The following ABCC1 variants were observed in gnomAD, a reference collection of about 807,000 sequenced individuals.
ABCC1 encodes the protein multidrug resistance-associated protein 1.
A neutral mutation model predicts 172.9 loss-of-function variants in ABCC1; 83 were observed. The observed-to-expected ratio is 0.48, with a 90% CI of 0.40 to 0.58. ABCC1 has a LOEUF of 0.58. Among genes scored for constraint, ABCC1 ranks in the 20% least tolerant of loss-of-function variants. ABCC1 has a pLI of 0.00. For missense variants in ABCC1, 1,817 were observed against 2,002.7 expected (o/e 0.91, Z 1.77); for synonymous variants, 937 against 825.2 (o/e 1.14, Z -2.32).
chr16:16,039,217 G>GTGTGTGTGTGTGTGTGTA (rs1287649914), intron 7 of ABCC1, among the ~76,000 whole-genome samples: 1 of 136,970 alleles, frequency 7.3e-6, no homozygotes, highest in Non-Finnish European at 1.5e-5. Flanking sequence ...TTTTGTGTGT[G>GTGTGTGTGTGTGTGTGTA]TGTGTGTGTG....
chr16:15,988,979 G>A (rs1367106643), intron 1 of ABCC1, among the ~76,000 whole-genome samples: 1 of 149,450 alleles, frequency 6.7e-6, no homozygotes, highest in Non-Finnish European at 1.5e-5. Flanking sequence ...TGAGGTGGGA[G>A]GATCACTTGA....
intron 6 of ABCC1, among the ~76,000 whole-genome samples, chr16:16,033,494 T>C (rs2048629454): frequency 2.0e-5 from 3 of 152,196 alleles, no homozygotes; most frequent in Admixed American, 1.3e-4. Flanking sequence ...ATAGTTATTA[T>C]TGACATTGTC....
At chr16:16,130,111 C>T (rs1185115241) in intron 26 of ABCC1, among the ~76,000 whole-genome samples, 2 of 152,240 alleles carry the variant, frequency 1.3e-5, no homozygotes, top group African/African-American at 2.4e-5. Context: ...GGGCAAGTTA[C>T]CGCCCCTCTC....
At chr16:16,115,198 G>A (rs2044804498) in intron 23 of ABCC1, 122 bp downstream of exon 23, 7 of 1,130,268 alleles carry the variant, frequency 6.2e-6, no homozygotes, top group Admixed American at 3.0e-5. Flanking sequence ...ATGTAGATTT[G>A]TTTTTGTCAG....
At chr16:16,028,450 C>T (rs1108573) in intron 5 of ABCC1, among the ~76,000 whole-genome samples, 60,453 of 151,944 alleles carry the variant, frequency 0.4, 13,827 homozygotes, top group Non-Finnish European at 0.52. Flanking sequence ...GACAGCCGTG[C>T]CCCACCCCTT....
intron 1 of ABCC1, among the ~76,000 whole-genome samples, chr16:15,986,949 G>C (rs995500232): frequency 6.6e-6 from 1 of 152,192 alleles, no homozygotes; most frequent in South Asian, 2.1e-4. Flanking sequence ...TGGATCACTT[G>C]AGCTCAGGAG....
intron 1 of ABCC1, among the ~76,000 whole-genome samples, chr16:15,995,084 C>G (rs973609601): frequency 6.6e-6 from 1 of 151,554 alleles, no homozygotes; most frequent in Non-Finnish European, 1.5e-5. Flanking sequence ...TGAGCCGAGA[C>G]CACACCATTG....
chr16:15,976,059 A>G (rs1445596849), intron 1 of ABCC1, among the ~76,000 whole-genome samples: 1 of 151,852 alleles, frequency 6.6e-6, no homozygotes, highest in African/African-American at 2.4e-5. Flanking sequence ...TGAGATCAGG[A>G]GTTCGAGACC....
Position 16,086,963 on chromosome 16 carries a change from T to C in ABCC1, c.2432T>C (p.Ile811Thr). 1.9e-6 allele frequency: 3 copies of C among 1,614,196 alleles called. No individual in the cohort carries two copies. Among genetic ancestry groups the C allele is most frequent in the Non-Finnish European group, 2.5e-6 (3 of 1,180,038 alleles). ...HVGKHIFENV[I>T]GPKGMLKNKT... ...GGAAAACACATCTTTGAAAATGTGATTGGCCCCAAGGGGATGCTGAAGAAC... is the reference window on the plus strand; with the variant it reads ...GGAAAACACATCTTTGAAAATGTGACTGGCCCCAAGGGGATGCTGAAGAAC... The change falls in exon 18 of 31, where the codon ATT (isoleucine) becomes ACT (threonine). Residue 811 changes from isoleucine to threonine, a missense_variant. Physicochemically the swap from Ile to Thr is moderately conservative, Grantham distance 89. This residue lies in a region of ABCC1 where 1,412 missense variants were observed against 1,600.3 expected (regional missense o/e 0.88). Coordinates refer to ENST00000399410, the MANE Select transcript of ABCC1 (RefSeq NM_004996.4).
chr16:15,986,758 G>T (rs2046753960), intron 1 of ABCC1, among the ~76,000 whole-genome samples: 1 of 152,174 alleles, frequency 6.6e-6, no homozygotes, highest in Admixed American at 6.6e-5. Context: ...CTGGGGACGG[G>T]GATGTAGGCA....
At chr16:16,070,494 C>T (rs527355766) in intron 13 of ABCC1, among the ~76,000 whole-genome samples, 2 of 152,098 alleles carry the variant, frequency 1.3e-5, no homozygotes, top group African/African-American at 4.8e-5. Context: ...GAAACCCTGT[C>T]TCTGCTAAAA....
rs1047731508 is a variant in ABCC1, at chr16:16,048,214, G to A, written c.1291G>A (p.Ala431Thr). 1 of 1,614,030 alleles carries A rather than the reference G, an allele frequency of 6.2e-7. No individual in the cohort carries two copies. Among genetic ancestry groups the A allele is most frequent in the African/African-American group, 1.3e-5 (1 of 74,924 alleles). ...GEIVNLMSVD[A>T]QRFMDLATYI... Reference sequence around the variant, plus strand: ...GATTGTCAACCTCATGTCTGTGGACGCTCAGAGGTTCATGGACTTGGCCAC... The same window carrying A: ...GATTGTCAACCTCATGTCTGTGGACACTCAGAGGTTCATGGACTTGGCCAC... Residue 431 changes from alanine (A) to threonine (T), a missense_variant, in exon 10 of 31, where the codon GCT (alanine) becomes ACT (threonine). By Grantham distance (58) the Ala-to-Thr change is moderately conservative. Coordinates refer to ENST00000399410, the MANE Select transcript of ABCC1 (RefSeq NM_004996.4).
chr16:16,033,704 G>C (rs1051734286), intron 6 of ABCC1, among the ~76,000 whole-genome samples: 1 of 151,846 alleles, frequency 6.6e-6, no homozygotes, highest in Non-Finnish European at 1.5e-5. Context: ...CTCACTACAA[G>C]TCTCCGCCTC....
intron 1 of ABCC1, among the ~76,000 whole-genome samples, chr16:15,973,423 A>G (rs1034964700): frequency 7.9e-5 from 12 of 152,190 alleles, no homozygotes; most frequent in African/African-American, 2.6e-4. Context: ...ATATCCTACA[A>G]TACAGGATGG....
chr16:16,071,205 C>T (rs2050334263), intron 13 of ABCC1, among the ~76,000 whole-genome samples: 1 of 152,040 alleles, frequency 6.6e-6, no homozygotes, highest in African/African-American at 2.4e-5. Context: ...CTGCCTCAGC[C>T]TCCCGAGTAG....
intron 5 of ABCC1, among the ~76,000 whole-genome samples, chr16:16,023,402 C>T (rs901840822): frequency 6.6e-5 from 10 of 152,210 alleles, no homozygotes; most frequent in Middle Eastern, 3.4e-3. Flanking sequence ...ACTTTAAACC[C>T]CTGTCAAGAT....
At chr16:16,056,438 A>C (rs573214664) in intron 12 of ABCC1, 143 bp downstream of exon 12, 1 of 912,398 alleles carries the variant, frequency 1.1e-6, no homozygotes, top group East Asian at 2.6e-5. Flanking sequence ...AGGCCAAAGC[A>C]GGTGGATCAC....
intron 21 of ABCC1, among the ~76,000 whole-genome samples, chr16:16,107,720 T>A (rs2052195224): frequency 1.3e-5 from 2 of 152,150 alleles, no homozygotes; most frequent in Admixed American, 1.3e-4. Flanking sequence ...TGAGCTCCTG[T>A]TTTATTGTTT....
At chr16:16,033,019 C>A in intron 5 of ABCC1, 90 bp from the exon 6 acceptor site, 1 of 1,262,176 alleles carries the variant, frequency 7.9e-7, no homozygotes, top group Non-Finnish European at 1.2e-6. Context: ...GAAGAGTGAG[C>A]AGCTGACTAC....
Sources: gnomAD v4.1 joint callset for allele counts (sites outside exome capture counted in the v4.1 genomes callset) on GRCh38, gnomAD v4.1.1 for gene constraint, gnomAD v4.1.1 regional missense constraint, MANE v1.5 for transcripts, NCBI Gene and HGNC (gene_info 2026-07-23, HGNC 2026-07-21) for gene names.